CFAP54: variants seen among roughly 807,000 people sequenced by gnomAD.
CFAP54 encodes the protein cilia and flagella associated protein 54, also known as cilia- and flagella-associated protein 54.
In CFAP54, 290 loss-of-function variants were observed where a neutral mutation model predicts 370.4. The ratio of observed to expected loss-of-function variants is 0.78; its 90% CI spans 0.71 to 0.86. CFAP54 has a LOEUF of 0.86. Ranked by LOEUF, CFAP54 falls within the 40% of genes least tolerant of loss-of-function variation. The probability of loss-of-function intolerance (pLI) is 0.00; values close to 1 mark genes in which losing one functional copy is unlikely to be tolerated. For missense variants in CFAP54, 3,399 were observed against 3,528.7 expected, an observed-to-expected ratio of 0.96 and a Z score of 0.93; for synonymous variants, 1,206 against 1,236.5, an observed-to-expected ratio of 0.98 and a Z score of 0.52.
At chr12:96,494,555 C>T (rs531283727) in intron 1 of CFAP54, among the ~76,000 whole-genome samples, 1 of 152,000 alleles carries the variant, frequency 6.6e-6, no homozygotes, top group Admixed American at 6.6e-5. Flanking sequence ...CCCGCCTCAG[C>T]CTCCCAAAGT....
At chr12:96,508,512 C>T (rs1047140330) in intron 4 of CFAP54, among the ~76,000 whole-genome samples, 52 of 151,710 alleles carry the variant, frequency 3.4e-4, no homozygotes, top group Non-Finnish European at 7.1e-4. Flanking sequence ...TCTTGAACTC[C>T]TGACCTCAGG....
At chr12:96,697,832 C>T (rs1310565774) in intron 45 of CFAP54, among the ~76,000 whole-genome samples, 1 of 152,192 alleles carries the variant, frequency 6.6e-6, no homozygotes, top group African/African-American at 2.4e-5. Flanking sequence ...CCAATAACTC[C>T]TTACCACACA....
chr12:96,575,125 C>T (rs531937929), intron 19 of CFAP54, among the ~76,000 whole-genome samples: 47 of 152,178 alleles, frequency 3.1e-4, no homozygotes, highest in Admixed American at 1.2e-3. Flanking sequence ...TGACTAATGA[C>T]GTTGAACATC....
At chr12:96,782,602 A>G (rs1338565212) in intron 60 of CFAP54, among the ~76,000 whole-genome samples, 1 of 152,178 alleles carries the variant, frequency 6.6e-6, no homozygotes, top group Non-Finnish European at 1.5e-5. Flanking sequence ...TGAAAGAGAT[A>G]AGAAAACATA....
intron 62 of CFAP54, among the ~76,000 whole-genome samples, chr12:96,788,249 A>C (rs1313757650): frequency 2.0e-5 from 3 of 152,200 alleles, no homozygotes; most frequent in African/African-American, 7.2e-5. Flanking sequence ...GTCTGTGATC[A>C]TTAGTGCATG....
chr12:96,775,851 A>G (rs1387110731), intron 60 of CFAP54, among the ~76,000 whole-genome samples: 1 of 152,078 alleles, frequency 6.6e-6, no homozygotes, highest in Non-Finnish European at 1.5e-5. Context: ...TTTGGTTTAC[A>G]TTTTCCTGCT....
At chr12:96,830,330 G>C (rs939633385) in intron 66 of CFAP54, among the ~76,000 whole-genome samples, 1 of 152,112 alleles carries the variant, frequency 6.6e-6, no homozygotes, top group Non-Finnish European at 1.5e-5. Flanking sequence ...ATGCATAGAG[G>C]TTCCAATTTC....
At chr12:96,693,990 A>G (rs147177225) in intron 45 of CFAP54, among the ~76,000 whole-genome samples, 182 bp downstream of exon 45, 1 of 152,346 alleles carries the variant, frequency 6.6e-6, no homozygotes, top group Non-Finnish European at 1.5e-5. Flanking sequence ...AAAGGTGTAG[A>G]TTATTTTATG....
At chr12:96,569,471 C>CAGA (rs1955893070) in intron 19 of CFAP54, among the ~76,000 whole-genome samples, 1 of 152,202 alleles carries the variant, frequency 6.6e-6, no homozygotes, top group East Asian at 1.9e-4. Context: ...CATTCATCCT[C>CAGA]ATAACTGTAT....
At position 96,582,439 on chromosome 12, in the gene CFAP54, TATAAG is replaced by T. The variant is rs556939864; in HGVS notation, c.3075+1342_3075+1346del. On this transcript the variant is annotated intron_variant, in intron 22 of 67. Transcript: ENST00000524981. ...TTTTCTCTTAATAGTTGATTAGTAA[TATAAG>T]ATAAGATCTTAGTGGCATTTTATAT... Among the ~76,000 whole-genome samples the T allele has an allele frequency of 9.4e-4, 143 of 152,308 alleles. 1 individual carries two copies. Among genetic ancestry groups the T allele is most frequent in the Admixed American group, 1.8e-3 (28 of 15,288 alleles).
At chr12:96,695,566 T>C (rs548177619) in intron 45 of CFAP54, among the ~76,000 whole-genome samples, 12 of 152,340 alleles carry the variant, frequency 7.9e-5, no homozygotes, top group African/African-American at 2.9e-4. Context: ...ATGTAACTTT[T>C]CTCTCTTTTT....
intron 45 of CFAP54, among the ~76,000 whole-genome samples, chr12:96,696,075 AGAGTAGAATTCATG>A (rs1367615904): frequency 6.6e-6 from 1 of 152,208 alleles, no homozygotes; most frequent in African/African-American, 2.4e-5. Context: ...AGACTTGAAA[AGAGTAGAATTCATG>A]GAGCAGGAGA....
chr12:96,494,461 C>T (rs560273394), intron 1 of CFAP54, among the ~76,000 whole-genome samples: 11 of 152,032 alleles, frequency 7.2e-5, no homozygotes, highest in Admixed American at 2.0e-4. Context: ...CCACCACGCC[C>T]GGCTAATTTT....
chr12:96,601,316 G>C (rs552829747), intron 26 of CFAP54, among the ~76,000 whole-genome samples: 3 of 152,096 alleles, frequency 2.0e-5, no homozygotes, highest in African/African-American at 7.2e-5. Flanking sequence ...CCACTTGATC[G>C]TGGTGGATAA....
chr12:96,860,918 A>G lies in CFAP54; in HGVS notation c.9271A>G (p.Ile3091Val). ...ATCAGGAGGAAGCCTTTTCAACTGG[A>G]TAGTGTCAATTATTCCCTGAATATC... ...ILSGGSLFNWIVSIIP is the reference protein window; with the variant it reads ...ILSGGSLFNWVVSIIP Residue 3091 changes from isoleucine (I) to valine (V), a missense_variant, in exon 67 of 68, where the codon ATA (isoleucine) becomes GTA (valine). Physicochemically the swap from Ile to Val is conservative, Grantham distance 29. Coordinates refer to ENST00000524981, the MANE Select transcript of CFAP54 (RefSeq NM_001306084.2). 1.3e-6 allele frequency: 2 copies of G among 1,534,556 alleles called. No homozygotes were observed. Among genetic ancestry groups the G allele is most frequent in the South Asian group, 1.2e-5 (1 of 83,774 alleles).
At chr12:96,826,573 T>C (rs1959108094) in intron 65 of CFAP54, among the ~76,000 whole-genome samples, 1 of 108,034 alleles carries the variant, frequency 9.3e-6, no homozygotes, top group Admixed American at 1.3e-4. Flanking sequence ...ATATATAATA[T>C]AGATTATATG....
Position 96,512,988 on chromosome 12 carries a change from A to G in CFAP54, c.742A>G (p.Thr248Ala). 1 of 1,514,878 alleles carries G rather than the reference A, an allele frequency of 6.6e-7. No homozygotes were observed. The highest frequency in any genetic ancestry group is 2.5e-5 in the East Asian group (1 of 40,116). The allele number at this position is 1,514,878 out of a possible 1,614,324, so 93.8% of individuals were successfully genotyped here. A position where few individuals can be genotyped will look rare whatever the true frequency, so the allele number is the denominator to read the frequency against. The change falls in exon 5 of 68, where the codon ACC becomes GCC. Residue 248 changes from threonine to alanine, a missense_variant and splice_region_variant. Physicochemically the swap from Thr to Ala is moderately conservative, Grantham distance 58 (BLOSUM62 0). Transcript: ENST00000524981. ...TAACAATCGTTTTCTCCATCCAGGT[A>G]CCATTTATATTTACACCATTTGCAG... ...EHLCWIIFNG[T>A]IYIYTICRKL...
At chr12:96,757,721 T>TA (rs1958279173) in intron 58 of CFAP54, 133 bp downstream of exon 58, 1 of 528,812 alleles carries the variant, frequency 1.9e-6, no homozygotes, top group Admixed American at 3.3e-5. Flanking sequence ...TCTTTGTAGT[T>TA]ACACTTGTAA....
intron 65 of CFAP54, among the ~76,000 whole-genome samples, chr12:96,825,283 A>C (rs1397988272): frequency 7.9e-6 from 1 of 127,122 alleles, no homozygotes; most frequent in Admixed American, 9.0e-5. Flanking sequence ...ATGTTATATT[A>C]TATATAATAT....
Sources: gnomAD v4.1 joint callset for allele counts (sites outside exome capture counted in the v4.1 genomes callset) on GRCh38, gnomAD v4.1.1 for gene constraint, MANE v1.5 for transcripts, NCBI Gene and HGNC (gene_info 2026-07-23, HGNC 2026-07-21) for gene names.